Variants in TRIM2 observed in about 807,000 individuals in gnomAD.
The protein encoded by TRIM2 is tripartite motif-containing protein 2.
TRIM2 carries 20 observed loss-of-function variants against 75.2 expected under a neutral mutation model. The ratio of observed to expected loss-of-function variants is 0.27; its 90% CI spans 0.19 to 0.39. The LOEUF is 0.39. TRIM2 is among the 10% of genes least tolerant of loss of function. TRIM2 has a pLI of 1.00. For synonymous variants in TRIM2, 373 were observed against 388.3 expected (o/e 0.96, Z 0.46); for missense variants, 660 against 990.8 (o/e 0.67, Z 4.48).
At position 153,295,723 on chromosome 4, in the gene TRIM2, C is replaced by T. The variant is rs528964737; in HGVS notation, c.1197C>T (p.Pro399=). The T allele has an allele frequency of 2.5e-6, 4 of 1,613,972 alleles. No homozygotes were observed. Among genetic ancestry groups the T allele is most frequent in the Admixed American group, 1.7e-5 (1 of 60,020 alleles). Residue 399 remains proline (P), a synonymous_variant, in exon 6 of 12, where the codon CCC becomes CCT. Transcript: ENST00000338700. This position sits in a 1 kb window ranked among gnomAD's most constrained non-coding sequence, Gnocchi z 7.2. ...ACCTCACCGCCGAACTGAGCACCCCCGACGGGAGCGTGGCAGACGGGGAGA... is the reference window on the plus strand; with the variant it reads ...ACCTCACCGCCGAACTGAGCACCCCTGACGGGAGCGTGGCAGACGGGGAGA... ...NAYLTAELST[P]DGSVADGEIL...
chr4:153,154,625 A>G (rs1031973796), intron 1 of TRIM2, among the ~76,000 whole-genome samples: 4 of 152,246 alleles, frequency 2.6e-5, no homozygotes, highest in African/African-American at 9.6e-5. Context: ...AAAGACAGAA[A>G]GACTACAAAG....
chr4:153,159,296 C>CTTTTTTTTTTTTTT (rs11318531), intron 1 of TRIM2, among the ~76,000 whole-genome samples: 4 of 89,160 alleles, frequency 4.5e-5, no homozygotes, highest in Non-Finnish European at 6.0e-5. Context: ...TTTACAAAAT[C>CTTTTTTTTTTTTTT]TTTTTTTTTT....
At chr4:153,260,847 C>T (rs1753385140) in intron 1 of TRIM2, among the ~76,000 whole-genome samples, 1 of 151,996 alleles carries the variant, frequency 6.6e-6, no homozygotes, top group Admixed American at 6.6e-5. Context: ...AATGGGTCAC[C>T]CTGTTTTAAT....
chr4:153,314,222 C>A lies in TRIM2; in HGVS notation c.1511-1263C>A, dbSNP rs183937919. ...GATCACGAGGTCAGGAGATCGAGAC[C>A]ATCCCGGCTAAAACGGTGAAACCCT... On this transcript the variant is annotated intron_variant, in intron 6 of 11. Transcript: ENST00000338700. Among the ~76,000 whole-genome samples, 313 of 144,678 alleles carry A rather than the reference C, an allele frequency of 2.2e-3. 16 individuals carry two copies. Among genetic ancestry groups the A allele is most frequent in the African/African-American group, 8.7e-3 (301 of 34,582 alleles). 94.9% of individuals were successfully genotyped at this position (144,678 alleles called of 152,430 possible).
At chr4:153,291,670 G>C (rs1761855569) in intron 3 of TRIM2, among the ~76,000 whole-genome samples, 1 of 152,008 alleles carries the variant, frequency 6.6e-6, no homozygotes, top group Non-Finnish European at 1.5e-5. Flanking sequence ...TAATTTTCTG[G>C]CTTTATATTA....
chr4:153,268,124 C>T (rs993904540), intron 1 of TRIM2, among the ~76,000 whole-genome samples: 5 of 152,118 alleles, frequency 3.3e-5, no homozygotes, highest in African/African-American at 9.7e-5. Flanking sequence ...GCCAGATTAC[C>T]GGTCTGGGTG....
intron 6 of TRIM2, among the ~76,000 whole-genome samples, chr4:153,303,428 T>C (rs1764348388): frequency 6.6e-6 from 1 of 151,232 alleles, no homozygotes; most frequent in South Asian, 2.1e-4. Flanking sequence ...AGCCAAGATC[T>C]TGCCACTGTA....
chr4:153,317,081 C>T (rs368178803), intron 8 of TRIM2, among the ~76,000 whole-genome samples: 1 of 150,598 alleles, frequency 6.6e-6, no homozygotes, highest in Non-Finnish European at 1.5e-5. Flanking sequence ...GGGGTTTCAC[C>T]GTGTTAGCTA....
At position 153,171,855 on chromosome 4, in the gene TRIM2, C is replaced by G. The variant is rs55872605; in HGVS notation, c.-49+18585C>G. ...CGTTTTGGGGCTTTTTTTTTTTTTT[C>G]GCTAATGTATTTTAAAGCAAATCTC... On this transcript the variant is annotated intron_variant, in intron 1 of 11. Transcript: ENST00000437508. 6.4e-4 allele frequency among the ~76,000 whole-genome samples: 68 copies of G among 106,550 alleles called. 1 individual carries two copies. In the South Asian group the frequency reaches 0.01, roughly 16 times the overall value. The allele number at this position is 106,550 out of a possible 152,430, so 69.9% of individuals were successfully genotyped here. A position where few individuals can be genotyped will look rare whatever the true frequency, so the allele number is the denominator to read the frequency against.
At position 153,293,115 on chromosome 4, in the gene TRIM2, T is replaced by G. The variant is rs1254138687; in HGVS notation, c.587T>G (p.Leu196Arg). The G allele has an allele frequency of 6.2e-7, 1 of 1,608,306 alleles. No individual in the cohort carries two copies. Among genetic ancestry groups the G allele is most frequent in the Admixed American group, 1.7e-5 (1 of 59,904 alleles). ...EQHKASLQVQ[L>R]DAVNKRLPEI... Reference sequence around the variant, plus strand: ...CACAAGGCCTCGCTCCAGGTCCAGCTGGATGCTGTCAACAAAAGGTGGGGG... The same window carrying G: ...CACAAGGCCTCGCTCCAGGTCCAGCGGGATGCTGTCAACAAAAGGTGGGGG... Residue 196 changes from leucine (L) to arginine (R), a missense_variant, in exon 4 of 12, where the codon CTG (leucine) becomes CGG (arginine). This residue lies in a region of TRIM2 where 620 missense variants were observed against 891.0 expected (regional missense o/e 0.70). Coordinates refer to ENST00000338700, the MANE Select transcript of TRIM2 (RefSeq NM_015271.5).
intron 1 of TRIM2, among the ~76,000 whole-genome samples, chr4:153,267,689 T>A (rs1755604145): frequency 6.6e-6 from 1 of 152,186 alleles, no homozygotes; most frequent in Non-Finnish European, 1.5e-5. Flanking sequence ...AGAATAATAG[T>A]ATGACCTCCT....
intron 10 of TRIM2, among the ~76,000 whole-genome samples, chr4:153,327,911 C>T (rs373308610): frequency 3.9e-5 from 6 of 152,168 alleles, no homozygotes; most frequent in Admixed American, 1.3e-4. Context: ...TATAAACTCT[C>T]GAACTAAAAT....
At chr4:153,318,854 TA>T (rs1471281217) in intron 8 of TRIM2, among the ~76,000 whole-genome samples, 4 of 152,198 alleles carry the variant, frequency 2.6e-5, no homozygotes, top group African/African-American at 7.2e-5. Flanking sequence ...GTTGGAATAT[TA>T]AAGGTAATAA....
intron 1 of TRIM2, among the ~76,000 whole-genome samples, chr4:153,256,541 A>T (rs1167262664): frequency 2.0e-5 from 3 of 152,206 alleles, no homozygotes; most frequent in Non-Finnish European, 4.4e-5. Context: ...CTGATATGTA[A>T]GATTTTTTAT....
In TRIM2 at chr4:153,336,198, A is replaced by C. The variant is rs1270072367; in HGVS notation, c.*1232A>C. The C allele has an allele frequency of 1.0e-6, 1 of 985,550 alleles. No individual in the cohort carries two copies. The highest frequency in any genetic ancestry group is 1.2e-6 in the Non-Finnish European group (1 of 829,924). 61.1% of individuals were successfully genotyped at this position (985,550 alleles called of 1,614,324 possible). A position where few individuals can be genotyped will look rare whatever the true frequency, so the allele number is the denominator to read the frequency against. On this transcript the variant is annotated 3_prime_UTR_variant, in exon 12 of 12. Coordinates refer to ENST00000338700, the MANE Select transcript of TRIM2 (RefSeq NM_015271.5). ...AAATAGGCAGCACTCTGAAAGACAG[A>C]AGCTTCGTCCAGCCACTCTTCAGCA...
At chr4:153,283,148 C>G (rs1759745765) in intron 3 of TRIM2, among the ~76,000 whole-genome samples, 1 of 152,150 alleles carries the variant, frequency 6.6e-6, no homozygotes. Context: ...CAAACATCAC[C>G]ACTGTCTAAA....
At chr4:153,299,811 C>T (rs907222473) in intron 6 of TRIM2, among the ~76,000 whole-genome samples, 2 of 152,164 alleles carry the variant, frequency 1.3e-5, no homozygotes, top group Non-Finnish European at 1.5e-5. Flanking sequence ...ACAAACTACT[C>T]ACCCCACCAC....
At chr4:153,307,940 G>C in intron 6 of TRIM2, 2 of 753,678 alleles carry the variant, frequency 2.7e-6, no homozygotes, top group South Asian at 2.7e-5. Context: ...TTATGGAGTC[G>C]TACAGCCGGT....
At chr4:153,299,118 C>G (rs1055148109) in intron 6 of TRIM2, among the ~76,000 whole-genome samples, 1 of 152,092 alleles carries the variant, frequency 6.6e-6, no homozygotes, top group African/African-American at 2.4e-5. Flanking sequence ...ATTTTTCTGT[C>G]TTTTGATCAA....
Sources: allele counts gnomAD v4.1 joint callset (sites outside exome capture counted in the v4.1 genomes callset), GRCh38; gene constraint gnomAD v4.1.1; regional missense constraint gnomAD v4.1.1; non-coding constraint Gnocchi (gnomAD v3.1); transcripts MANE v1.5; gene names NCBI Gene and HGNC (gene_info 2026-07-23, HGNC 2026-07-21).